Variants in SETD3 observed in about 807,000 individuals in gnomAD.
SETD3 encodes the protein actin-histidine N-methyltransferase.
A neutral mutation model predicts 63.0 loss-of-function variants in SETD3; 19 were observed. The ratio of observed to expected loss-of-function variants is 0.30; its 90% CI spans 0.21 to 0.44. The LOEUF is 0.44. SETD3 is among the 20% of genes least tolerant of loss of function. The probability of loss-of-function intolerance (pLI) is 1.00; values close to 1 mark genes in which losing one functional copy is unlikely to be tolerated. For synonymous variants in SETD3, 286 were observed against 264.1 expected (o/e 1.08, Z -0.80); for missense variants, 587 against 728.5 (o/e 0.81, Z 2.24).
At chr14:99,405,067 A>C (rs923485587) in intron 10 of SETD3, 138 bp downstream of exon 10, 1 of 1,248,232 alleles carries the variant, frequency 8.0e-7, no homozygotes, top group Admixed American at 2.6e-5. Flanking sequence ...CCATGGCTTA[A>C]ATTTGCTGTG....
intron 6 of SETD3, among the ~76,000 whole-genome samples, chr14:99,424,897 AG>A (rs533334705): frequency 1.6e-4 from 25 of 152,266 alleles, no homozygotes; most frequent in African/African-American, 5.8e-4. Flanking sequence ...CTCACCGGCC[AG>A]GCTGAGAAGG....
intron 6 of SETD3, among the ~76,000 whole-genome samples, chr14:99,420,420 A>G (rs1202723953): frequency 6.6e-6 from 1 of 152,212 alleles, no homozygotes; most frequent in Non-Finnish European, 1.5e-5. Context: ...TCCAAGTGAC[A>G]AGATACACTT....
chr14:99,401,862 G>A (rs574812940), intron 11 of SETD3, among the ~76,000 whole-genome samples: 1 of 152,286 alleles, frequency 6.6e-6, no homozygotes, highest in East Asian at 1.9e-4. Flanking sequence ...GTGCGGCAGA[G>A]CTTTCTCTCC....
chr14:99,427,556 A>G (rs1299519443), intron 6 of SETD3, among the ~76,000 whole-genome samples: 1 of 152,150 alleles, frequency 6.6e-6, no homozygotes, highest in Non-Finnish European at 1.5e-5. Context: ...GAAAACGATA[A>G]AGGAGGCCAA....
At chr14:99,431,138 T>C (rs948353866) in intron 6 of SETD3, among the ~76,000 whole-genome samples, 1 of 152,224 alleles carries the variant, frequency 6.6e-6, no homozygotes, top group Non-Finnish European at 1.5e-5. Context: ...CCACCTCAAG[T>C]GCTGTCTCTG....
intron 6 of SETD3, among the ~76,000 whole-genome samples, chr14:99,457,005 T>A (rs945991777): frequency 6.6e-6 from 1 of 152,136 alleles, no homozygotes; most frequent in Non-Finnish European, 1.5e-5. Context: ...CAAGAGAAAA[T>A]GACAAATACT....
At chr14:99,408,761 T>C (rs1276503218) in intron 8 of SETD3, among the ~76,000 whole-genome samples, 2 of 152,140 alleles carry the variant, frequency 1.3e-5, no homozygotes. Flanking sequence ...GTGTCTAACT[T>C]CTTTGTGTGG....
chr14:99,423,666 G>A (rs1892718447), intron 6 of SETD3, among the ~76,000 whole-genome samples: 1 of 135,106 alleles, frequency 7.4e-6, no homozygotes, highest in Non-Finnish European at 1.5e-5. Context: ...TTAGCATTAA[G>A]ATATGTTAGA....
chr14:99,475,262 T>C (rs1030360873), intron 1 of SETD3, among the ~76,000 whole-genome samples: 2 of 152,202 alleles, frequency 1.3e-5, no homozygotes, highest in African/African-American at 4.8e-5. Flanking sequence ...TAGCTCTCAA[T>C]CCCACGCGTG....
At chr14:99,442,338 C>T (rs1249121712) in intron 6 of SETD3, among the ~76,000 whole-genome samples, 1 of 152,188 alleles carries the variant, frequency 6.6e-6, no homozygotes, top group African/African-American at 2.4e-5. Context: ...AATTACAGAG[C>T]ACCATCTCTG....
At chr14:99,409,976 G>C in intron 8 of SETD3, 1 of 418,382 alleles carries the variant, frequency 2.4e-6, no homozygotes, top group Non-Finnish European at 4.3e-6. Context: ...ATTCTAATGG[G>C]AGGCGGGGGG....
intron 6 of SETD3, among the ~76,000 whole-genome samples, chr14:99,415,312 A>G (rs1892233404): frequency 1.3e-5 from 2 of 152,236 alleles, no homozygotes; most frequent in African/African-American, 4.8e-5. Flanking sequence ...AAGTCTAAAA[A>G]TTTGGAGCCC....
upstream of SETD3, among the ~76,000 whole-genome samples, chr14:99,485,256 G>A (rs542441182): frequency 7.2e-5 from 11 of 152,252 alleles, no homozygotes; most frequent in East Asian, 5.8e-4. Context: ...CGATTTATCC[G>A]CTTGTGGACC....
At chr14:99,436,722 T>A (rs1893505235) in intron 6 of SETD3, among the ~76,000 whole-genome samples, 1 of 152,210 alleles carries the variant, frequency 6.6e-6, no homozygotes, top group Non-Finnish European at 1.5e-5. Context: ...CAGAAAAATC[T>A]AGCACTGTGC....
In SETD3 at chr14:99,426,111, G is replaced by C. The variant is rs773383483; in HGVS notation, c.676-12177C>G. 7.2e-4 allele frequency among the ~76,000 whole-genome samples: 110 copies of C among 152,052 alleles called. 1 individual carries two copies. Among genetic ancestry groups the C allele is most frequent in the Admixed American group, 6.5e-4 (10 of 15,270 alleles). ...GACTGGAATAATAATCCAATTATTGGAATAATCCGCCCCCCCATCCACTTA... is the reference window on the plus strand; with the variant it reads ...GACTGGAATAATAATCCAATTATTGCAATAATCCGCCCCCCCATCCACTTA... On this transcript the variant is annotated intron_variant, in intron 6 of 12. Coordinates refer to ENST00000331768, the MANE Select transcript of SETD3 (RefSeq NM_032233.3).
At chr14:99,484,834 A>C (rs1050068978), upstream of SETD3, among the ~76,000 whole-genome samples, 1 of 152,256 alleles carries the variant, frequency 6.6e-6, no homozygotes, top group African/African-American at 2.4e-5. Context: ...TATTGTTTCC[A>C]TAATTCTAAA....
In SETD3 at chr14:99,398,520, A is replaced by AT. The variant is rs1891203895; in HGVS notation, c.*158dup. ...AATCTTAATCAAAAAGGGAAGCTAG[A>AT]TTTTTAAAATAACTTAAAAAAACCA... On this transcript the variant is annotated 3_prime_UTR_variant, in exon 13 of 13. Coordinates refer to ENST00000331768, the MANE Select transcript of SETD3 (RefSeq NM_032233.3). 2.9e-6 allele frequency: 2 copies of AT among 694,372 alleles called. No individual in the cohort carries two copies. Among genetic ancestry groups the AT allele is most frequent in the Non-Finnish European group, 4.6e-6 (2 of 432,312 alleles). 43.0% of individuals were successfully genotyped at this position (694,372 alleles called of 1,614,324 possible).
chr14:99,425,149 T>C (rs890094703), intron 6 of SETD3, among the ~76,000 whole-genome samples: 2 of 152,204 alleles, frequency 1.3e-5, no homozygotes, highest in Non-Finnish European at 2.9e-5. Flanking sequence ...AACAGGACTA[T>C]AAATAATAAT....
intron 6 of SETD3, among the ~76,000 whole-genome samples, chr14:99,427,820 A>T (rs756028632): frequency 6.6e-6 from 1 of 152,184 alleles, no homozygotes; most frequent in Non-Finnish European, 1.5e-5. Flanking sequence ...ACCAGGATAC[A>T]TGACACGTGC....
Sources: allele counts gnomAD v4.1 joint callset (sites outside exome capture counted in the v4.1 genomes callset), GRCh38; gene constraint gnomAD v4.1.1; transcripts MANE v1.5; gene names NCBI Gene and HGNC (gene_info 2026-07-23, HGNC 2026-07-21).